Variants in CCDC178 observed in about 807,000 individuals in gnomAD.
CCDC178 encodes coiled-coil domain containing 178.
Under a neutral mutation model 117.4 loss-of-function variants are expected in CCDC178, and 126 were observed. That is an observed-to-expected ratio of 1.07 (90% confidence interval 0.93 to 1.24). The LOEUF (loss-of-function observed/expected upper bound fraction) is 1.24. CCDC178 is among the 50% of genes most tolerant of loss of function. The pLI is 0.00. For missense variants in CCDC178, 1,030 were observed against 986.9 expected, an observed-to-expected ratio of 1.04 and a Z score of -0.59; for synonymous variants, 283 against 313.4, an observed-to-expected ratio of 0.90 and a Z score of 1.02.
intron 21 of CCDC178, among the ~76,000 whole-genome samples, chr18:33,003,675 C>T (rs1222403128): frequency 6.6e-6 from 1 of 152,056 alleles, no homozygotes; most frequent in Non-Finnish European, 1.5e-5. Context: ...ACTGGAAGTT[C>T]TAGCTAGAGC....
intron 2 of CCDC178, among the ~76,000 whole-genome samples, chr18:33,438,284 C>G (rs1311690117): frequency 6.6e-6 from 1 of 152,102 alleles, no homozygotes; most frequent in Admixed American, 6.6e-5. Context: ...CCTTCAGCAT[C>G]CCCATGTCAA....
chr18:33,338,743 G>A (rs890253022), intron 9 of CCDC178, among the ~76,000 whole-genome samples: 2 of 152,020 alleles, frequency 1.3e-5, no homozygotes, highest in Non-Finnish European at 2.9e-5. Flanking sequence ...TGGGGACTTG[G>A]AGCAAGTTTT....
At chr18:32,982,832 G>C (rs576778950) in intron 21 of CCDC178, among the ~76,000 whole-genome samples, 48 of 152,216 alleles carry the variant, frequency 3.2e-4, no homozygotes, top group African/African-American at 1.1e-3. Context: ...TAAATTAGCA[G>C]AGCACACAGG....
intron 20 of CCDC178, among the ~76,000 whole-genome samples, chr18:33,138,833 G>A (rs578114634): frequency 6.6e-6 from 1 of 152,268 alleles, no homozygotes; most frequent in Admixed American, 6.5e-5. Context: ...TCACAGGAAG[G>A]AGTAGTTAGT....
intron 21 of CCDC178, among the ~76,000 whole-genome samples, chr18:33,075,469 T>C (rs1012143723): frequency 1.3e-5 from 2 of 152,164 alleles, no homozygotes; most frequent in African/African-American, 4.8e-5. Context: ...AAAACTCAAT[T>C]CTCTACAATG....
chr18:33,439,609 A>G (rs560289633), intron 2 of CCDC178, among the ~76,000 whole-genome samples: 3 of 152,232 alleles, frequency 2.0e-5, no homozygotes, highest in Non-Finnish European at 2.9e-5. Flanking sequence ...TTGTCTTACA[A>G]CTAGTCATGT....
chr18:33,373,574 C>G (rs1258955854), intron 5 of CCDC178, among the ~76,000 whole-genome samples: 1 of 152,158 alleles, frequency 6.6e-6, no homozygotes, highest in African/African-American at 2.4e-5. Flanking sequence ...TTACAAGGTT[C>G]CTTGCCTGTG....
chr18:33,428,730 C>CAAAAAAAAAAAAAAAAAAAAAA (rs35234261), intron 2 of CCDC178, among the ~76,000 whole-genome samples: 1 of 42,370 alleles, frequency 2.4e-5, no homozygotes, highest in Non-Finnish European at 4.4e-5. Context: ...GACTCTGTCT[C>CAAAAAAAAAAAAAAAAAAAAAA]AAAAAAAAAA....
intron 21 of CCDC178, among the ~76,000 whole-genome samples, chr18:33,047,904 G>T (rs1034965309): frequency 6.6e-6 from 1 of 152,142 alleles, no homozygotes; most frequent in Admixed American, 6.6e-5. Context: ...GATCAACTTG[G>T]AAGGTCAAAG....
At chr18:33,112,285 C>G (rs1482806041) in intron 20 of CCDC178, among the ~76,000 whole-genome samples, 2 of 151,768 alleles carry the variant, frequency 1.3e-5, no homozygotes, top group South Asian at 2.1e-4. Flanking sequence ...GTTCTCCTTA[C>G]AGGGAAATTG....
At chr18:32,939,548 A>C (rs2054193438) in intron 22 of CCDC178, among the ~76,000 whole-genome samples, 1 of 152,140 alleles carries the variant, frequency 6.6e-6, no homozygotes, top group Non-Finnish European at 1.5e-5. Flanking sequence ...CTAGGAATGA[A>C]TTTTCTTTTT....
intron 21 of CCDC178, among the ~76,000 whole-genome samples, chr18:33,058,243 C>CATAA (rs1185012291): frequency 6.6e-6 from 1 of 152,170 alleles, no homozygotes; most frequent in Admixed American, 6.5e-5. Flanking sequence ...ATGGAAACAA[C>CATAA]ATAAATGTCC....
At chr18:32,945,593 T>C (rs1371086670) in intron 22 of CCDC178, among the ~76,000 whole-genome samples, 1 of 152,198 alleles carries the variant, frequency 6.6e-6, no homozygotes, top group Non-Finnish European at 1.5e-5. Context: ...AGTAACTGTG[T>C]AAGCACAATT....
intron 11 of CCDC178, among the ~76,000 whole-genome samples, chr18:33,321,867 GA>G (rs942671763): frequency 2.7e-5 from 4 of 148,452 alleles, no homozygotes; most frequent in African/African-American, 4.9e-5. Context: ...TTTTCAAACT[GA>G]AAAAAAAATG....
intron 22 of CCDC178, among the ~76,000 whole-genome samples, chr18:32,940,224 G>T (rs1386784517): frequency 1.3e-5 from 2 of 151,864 alleles, no homozygotes; most frequent in African/African-American, 4.8e-5. Flanking sequence ...AGAAAAAGAA[G>T]AAGCCCCTTT....
chr18:32,968,466 G>A (rs528528326), intron 22 of CCDC178, among the ~76,000 whole-genome samples: 1 of 152,008 alleles, frequency 6.6e-6, no homozygotes, highest in African/African-American at 2.4e-5. Context: ...CATGGGAATG[G>A]GAATGCGGAT....
intron 9 of CCDC178, among the ~76,000 whole-genome samples, chr18:33,333,867 C>A (rs1307238985): frequency 6.6e-6 from 1 of 152,048 alleles, no homozygotes; most frequent in African/African-American, 2.4e-5. Context: ...TTTCTTAATT[C>A]ATCATCAAAA....
At chr18:32,966,353 T>C (rs954339466) in intron 22 of CCDC178, among the ~76,000 whole-genome samples, 4 of 151,836 alleles carry the variant, frequency 2.6e-5, no homozygotes, top group Non-Finnish European at 5.9e-5. Context: ...GCTGCATCCA[T>C]TTATATACTA....
At chr18:33,124,359 T>A (rs1425697990) in intron 20 of CCDC178, among the ~76,000 whole-genome samples, 1 of 152,176 alleles carries the variant, frequency 6.6e-6, no homozygotes, top group African/African-American at 2.4e-5. Flanking sequence ...CCAGGACCTG[T>A]GAGTCCTGAT....
Sources: allele counts gnomAD v4.1 joint callset (sites outside exome capture counted in the v4.1 genomes callset), GRCh38; gene constraint gnomAD v4.1.1; transcripts MANE v1.5; gene names NCBI Gene and HGNC (gene_info 2026-07-23, HGNC 2026-07-21).